The following KLRF2 variants were observed in gnomAD, a reference collection of about 807,000 sequenced individuals.
KLRF2 encodes the protein killer cell lectin like receptor F2, also known as killer cell lectin-like receptor subfamily F member 2.
Under a neutral mutation model 25.3 loss-of-function variants are expected in KLRF2, and 28 were observed. That is an observed-to-expected ratio of 1.11 (90% CI 0.82 to 1.52). KLRF2 has a LOEUF of 1.52. Ranked by LOEUF, KLRF2 falls within the 40% of genes most tolerant of loss-of-function variation. The probability of loss-of-function intolerance (pLI) is 0.00; values close to 1 mark genes in which losing one functional copy is unlikely to be tolerated. For missense variants in KLRF2, 265 were observed against 245.8 expected (o/e 1.08, Z -0.52); for synonymous variants, 73 against 85.0 (o/e 0.86, Z 0.78).
At chr12:9,884,342 T>A (rs10772220) in intron 1 of KLRF2, among the ~76,000 whole-genome samples, 21,248 of 151,892 alleles carry the variant, frequency 0.14, 2,459 homozygotes, top group East Asian at 0.34. Context: ...AACTGACTCC[T>A]GTCTAAAGAG....
At position 9,895,811 on chromosome 12, in the gene KLRF2, A is replaced by C; in HGVS notation, c.602A>C (p.His201Pro). The C allele has an allele frequency of 6.5e-7, 1 of 1,535,238 alleles. No homozygotes were observed. Among genetic ancestry groups the C allele is most frequent in the Non-Finnish European group, 8.7e-7 (1 of 1,146,586 alleles). ...GICQRDAILT[H>P]NGTSGV is the part of the protein sequence containing the mutation. ...TGCCAGAGAGATGCGATCTTGACGC[A>C]CAATGGAACCAGTGGTGTGTAAATG... is the stretch of plus-strand genomic sequence containing the variant. Residue 201 changes from histidine (H) to proline (P), a missense_variant, in exon 6 of 6, where the codon CAC becomes CCC. Transcript: ENST00000535540.
In KLRF2 at chr12:9,893,420, C is replaced by A; in HGVS notation, c.367-9C>A. ...AAATGAATGAATAAATGCACTATTT[C>A]TTCTGCAGGAGTTCATACAGAACAG... On this transcript the variant is annotated splice_polypyrimidine_tract_variant and intron_variant, in intron 4 of 5. Transcript: ENST00000535540. 1 of 1,240,554 alleles carries A rather than the reference C, an allele frequency of 8.1e-7. No homozygotes were observed. Among genetic ancestry groups the A allele is most frequent in the Non-Finnish European group, 1.1e-6 (1 of 888,174 alleles). The allele number at this position is 1,240,554 out of a possible 1,614,324, so 76.8% of individuals were successfully genotyped here.
At chr12:9,885,866 AATCT>A (rs1208000194) in intron 2 of KLRF2, among the ~76,000 whole-genome samples, 19 of 152,194 alleles carry the variant, frequency 1.2e-4, no homozygotes, top group Non-Finnish European at 1.3e-4. Flanking sequence ...AGTCGTTATG[AATCT>A]ATCTAAGTAG....
intron 1 of KLRF2, among the ~76,000 whole-genome samples, chr12:9,884,281 T>C (rs17806592): frequency 0.02 from 3,042 of 152,086 alleles, 51 homozygotes; most frequent in Middle Eastern, 0.045. Context: ...TACTATAGCA[T>C]AGATGTCATA....
chr12:9,888,517 A>T (rs999817951), intron 2 of KLRF2, among the ~76,000 whole-genome samples: 3 of 152,010 alleles, frequency 2.0e-5, no homozygotes, highest in African/African-American at 4.8e-5. Flanking sequence ...AATAAAAATT[A>T]AAAAATAGAA....
intron 1 of KLRF2, among the ~76,000 whole-genome samples, chr12:9,884,639 C>A (rs951597018): frequency 6.7e-6 from 1 of 148,380 alleles, no homozygotes; most frequent in Non-Finnish European, 1.5e-5. Context: ...ATATTTATAT[C>A]ATATATAATA....
intron 3 of KLRF2, among the ~76,000 whole-genome samples, chr12:9,889,599 A>C (rs905894229): frequency 2.6e-5 from 4 of 152,000 alleles, no homozygotes; most frequent in Non-Finnish European, 1.5e-5. Flanking sequence ...CTGCCCCCAC[A>C]ATTATATGAG....
Position 9,889,067 on chromosome 12 carries a change from G to A in KLRF2, c.217+287G>A, listed in dbSNP as rs546858764. Among the ~76,000 whole-genome samples, 172 of 152,266 alleles carry A rather than the reference G, an allele frequency of 1.1e-3. 2 individuals are homozygous for A. Among genetic ancestry groups the A allele is most frequent in the Admixed American group, 4.0e-3 (61 of 15,290 alleles). On this transcript the variant is annotated intron_variant, in intron 3 of 5. Transcript: ENST00000535540. ...ATACCTAACTTGCCAAATATTTATC[G>A]AGCATCCACTGATAGGTGTGACATG...
chr12:9,895,317 G>A (rs1386955207), intron 5 of KLRF2, among the ~76,000 whole-genome samples: 4 of 152,178 alleles, frequency 2.6e-5, no homozygotes, highest in Admixed American at 6.5e-5. Flanking sequence ...AGGTCAGTTC[G>A]AAGGCTATGG....
At chr12:9,893,579 A>G in intron 5 of KLRF2, 38 bp downstream of exon 5, 1 of 753,324 alleles carries the variant, frequency 1.3e-6, no homozygotes, top group Non-Finnish European at 2.1e-6. Flanking sequence ...GCTAATGTTT[A>G]TAGAATTATT....
intron 2 of KLRF2, among the ~76,000 whole-genome samples, chr12:9,888,125 T>C (rs924336793): frequency 5.0e-5 from 7 of 140,720 alleles, no homozygotes; most frequent in Non-Finnish European, 7.7e-5. Flanking sequence ...GAATGTCAAT[T>C]AAAAAGTCCA....
intron 2 of KLRF2, among the ~76,000 whole-genome samples, chr12:9,887,034 T>C (rs928264637): frequency 6.6e-6 from 1 of 151,646 alleles, no homozygotes; most frequent in Non-Finnish European, 1.5e-5. Context: ...TAAATAAATA[T>C]AAGAGGATAT....
At chr12:9,890,738 C>T (rs1408735128) in intron 3 of KLRF2, among the ~76,000 whole-genome samples, 1 of 152,184 alleles carries the variant, frequency 6.6e-6, no homozygotes, top group Non-Finnish European at 1.5e-5. Context: ...ATCCCGTCAT[C>T]TTGCTGTCTA....
chr12:9,892,959 T>C (rs545632475), intron 3 of KLRF2, 61 bp from the exon 4 acceptor site: 2 of 1,286,590 alleles, frequency 1.6e-6, no homozygotes, highest in East Asian at 5.1e-5. Flanking sequence ...CATTTGATAA[T>C]ATTTCTATCT....
At chr12:9,881,704 A>T (rs1316614006) in intron 1 of KLRF2, 39 bp downstream of exon 1, 1 of 1,341,546 alleles carries the variant, frequency 7.5e-7, no homozygotes, top group Admixed American at 2.0e-5. Context: ...TTAAAATTTC[A>T]TTATTCTTCT....
intron 2 of KLRF2, 84 bp downstream of exon 2, chr12:9,885,116 T>C (rs1258277742): frequency 4.7e-6 from 2 of 422,656 alleles, no homozygotes; most frequent in Admixed American, 4.5e-5. Flanking sequence ...AGATAAACTC[T>C]ACACTGTAGT....
Position 9,895,690 on chromosome 12 carries a change from T to C in KLRF2, c.481T>C (p.Phe161Leu), listed in dbSNP as rs1591780764. 3 of 1,526,178 alleles carry C rather than the reference T, an allele frequency of 2.0e-6. No individual in the cohort carries two copies. The East Asian group carries it at 7.4e-5, about 38-fold the overall frequency. The allele number at this position is 1,526,178 out of a possible 1,614,324, so 94.5% of individuals were successfully genotyped here. A position where few individuals can be genotyped will look rare whatever the true frequency, so the allele number is the denominator to read the frequency against. The change falls in exon 6 of 6, where the codon TTT becomes CTT. Residue 161 changes from phenylalanine to leucine, a missense_variant and splice_region_variant. Phe to Leu is a conservative substitution (Grantham distance 22). Transcript: ENST00000535540. ...AAAAATCTGTCCTTTGTCTCTTAGG[T>C]TTTCAGTGATTGGACCAACTGATGA... ...IDEHFLVPEL[F>L]SVIGPTDDRS...
Position 9,893,120 on chromosome 12 carries a change from T to C in KLRF2, c.318T>C (p.Cys106=). 6.5e-7 allele frequency: 1 copy of C among 1,535,866 alleles called. No individual in the cohort carries two copies. The highest frequency in any genetic ancestry group is 2.0e-5 in the Admixed American group (1 of 50,992). Residue 106 remains cysteine, a synonymous_variant, in exon 4 of 6, where the codon TGT becomes TGC. Coordinates refer to ENST00000535540, the MANE Select transcript of KLRF2 (RefSeq NM_001190765.1). ...CGTGGAAAGAGAGTCAACGTGATTG[T>C]ACACAGCTACAGGCACATTTACTGG... ...FKTWKESQRD[C]TQLQAHLLVI... is the part of the protein sequence containing the mutation.
chr12:9,895,674 T>C lies in KLRF2; in HGVS notation c.480-15T>C. On this transcript the variant is annotated splice_polypyrimidine_tract_variant and intron_variant, in intron 5 of 5. Transcript: ENST00000535540. ...TTTAAGATAAATGCTGAAAAATCTG[T>C]CCTTTGTCTCTTAGGTTTTCAGTGA... is the stretch of plus-strand genomic sequence containing the variant. 6.6e-7 allele frequency: 1 copy of C among 1,505,454 alleles called. No homozygotes were observed. The highest frequency in any genetic ancestry group is 2.5e-5 in the East Asian group (1 of 39,464). 93.3% of individuals were successfully genotyped at this position (1,505,454 alleles called of 1,614,324 possible). A position where few individuals can be genotyped will look rare whatever the true frequency, so the allele number is the denominator to read the frequency against.
Sources: allele counts gnomAD v4.1 joint callset (sites outside exome capture counted in the v4.1 genomes callset), GRCh38; gene constraint gnomAD v4.1.1; transcripts MANE v1.5; gene names NCBI Gene and HGNC (gene_info 2026-07-23, HGNC 2026-07-21).